Variants in ATP2B2 observed in about 807,000 individuals in gnomAD.
The protein encoded by ATP2B2 is plasma membrane calcium-transporting ATPase 2.
In ATP2B2, 15 loss-of-function variants were observed where a neutral mutation model predicts 120.0. That is an observed-to-expected ratio of 0.12 (90% CI 0.08 to 0.19). The LOEUF is 0.19. Among genes scored for constraint, ATP2B2 ranks in the 10% least tolerant of loss-of-function variants. The pLI is 1.00. For synonymous variants in ATP2B2, 694 were observed against 700.3 expected, an observed-to-expected ratio of 0.99 and a Z score of 0.14; for missense variants, 1,045 against 1,719.8, an observed-to-expected ratio of 0.61 and a Z score of 6.94.
chr3:10,456,327 G>A (rs1264293036), intron 1 of ATP2B2, among the ~76,000 whole-genome samples: 1 of 152,142 alleles, frequency 6.6e-6, no homozygotes, highest in Non-Finnish European at 1.5e-5. Flanking sequence ...GTATTTTTAA[G>A]GTCACTTTTC....
At chr3:10,614,270 A>G (rs2069321398) in intron 2 of ATP2B2, among the ~76,000 whole-genome samples, 1 of 152,178 alleles carries the variant, frequency 6.6e-6, no homozygotes, top group African/African-American at 2.4e-5. Context: ...GAATGAATGA[A>G]TAAATTACGT....
At chr3:10,646,659 G>A (rs1053546608) in intron 1 of ATP2B2, among the ~76,000 whole-genome samples, 2 of 152,108 alleles carry the variant, frequency 1.3e-5, no homozygotes, top group African/African-American at 4.8e-5. Flanking sequence ...GACACTTGCT[G>A]ACTACAGCGA....
At chr3:10,560,187 G>A (rs79197776) in intron 2 of ATP2B2, among the ~76,000 whole-genome samples, 3,226 of 152,298 alleles carry the variant, frequency 0.021, 117 homozygotes, top group African/African-American at 0.073. Flanking sequence ...CCAGCGAAAG[G>A]CATCGTGTAG....
At chr3:10,364,732 T>A (rs1198727106) in intron 12 of ATP2B2, among the ~76,000 whole-genome samples, 1 of 151,380 alleles carries the variant, frequency 6.6e-6, no homozygotes, top group Admixed American at 6.6e-5. Flanking sequence ...ATAATAATAA[T>A]AAAAATAAAA....
At chr3:10,447,173 G>A (rs1171566766) in intron 2 of ATP2B2, among the ~76,000 whole-genome samples, 3 of 152,226 alleles carry the variant, frequency 2.0e-5, no homozygotes, top group African/African-American at 7.2e-5. Flanking sequence ...ACCTTAGGCT[G>A]GGACTTAGTA....
At chr3:10,645,584 T>C (rs1318445456) in intron 1 of ATP2B2, among the ~76,000 whole-genome samples, 2 of 152,182 alleles carry the variant, frequency 1.3e-5, no homozygotes, top group African/African-American at 4.8e-5. Flanking sequence ...GAGTTCTTTG[T>C]ATTGTTCTTG....
chr3:10,653,141 T>C (rs2125669011), intron 1 of ATP2B2, among the ~76,000 whole-genome samples: 1 of 152,206 alleles, frequency 6.6e-6, no homozygotes, highest in East Asian at 1.9e-4. Flanking sequence ...AAAAAATAAA[T>C]TTAAAGGGAA....
In ATP2B2 at chr3:10,380,123, C is replaced by T. The variant is rs569151844; in HGVS notation, c.1001-839G>A. 2.6e-4 allele frequency among the ~76,000 whole-genome samples: 39 copies of T among 152,352 alleles called. No homozygotes were observed. In the South Asian group the frequency reaches 7.7e-3, roughly 30 times the overall value. ...AAGTAGTGTCCGTGGGCATCCCCTT[C>T]CATACCAGGGCCTGGTGCTGCATCT... On this transcript the variant is annotated intron_variant, in intron 8 of 22. Transcript: ENST00000360273.
chr3:10,376,700 C>T (rs527273864), intron 10 of ATP2B2, among the ~76,000 whole-genome samples: 1 of 152,210 alleles, frequency 6.6e-6, no homozygotes, highest in Non-Finnish European at 1.5e-5. Flanking sequence ...GGAATGCACT[C>T]CCATCTTAAC....
At chr3:10,619,015 TG>T (rs1244143657) in intron 2 of ATP2B2, among the ~76,000 whole-genome samples, 1 of 152,126 alleles carries the variant, frequency 6.6e-6, no homozygotes, top group African/African-American at 2.4e-5. Flanking sequence ...CTTGGAGCAG[TG>T]GCTAATTCAG....
chr3:10,441,052 G>A (rs1398119577), intron 2 of ATP2B2, among the ~76,000 whole-genome samples: 1 of 152,228 alleles, frequency 6.6e-6, no homozygotes, highest in Admixed American at 6.5e-5. Context: ...GCTAGACTGG[G>A]ACAGTCTTAA....
intron 1 of ATP2B2, among the ~76,000 whole-genome samples, chr3:10,473,317 G>A (rs1463213612): frequency 1.3e-5 from 2 of 152,210 alleles, no homozygotes; most frequent in Non-Finnish European, 2.9e-5. Flanking sequence ...GCTTCTGTTA[G>A]GGAAGACAGA....
chr3:10,430,725 A>T (rs1395673176), intron 2 of ATP2B2, among the ~76,000 whole-genome samples: 1 of 151,658 alleles, frequency 6.6e-6, no homozygotes, highest in Non-Finnish European at 1.5e-5. Flanking sequence ...CTTGGTTAGA[A>T]CTTGGAGCTG....
At chr3:10,629,174 G>A (rs907274734) in intron 1 of ATP2B2, among the ~76,000 whole-genome samples, 2 of 152,086 alleles carry the variant, frequency 1.3e-5, no homozygotes, top group African/African-American at 4.8e-5. Context: ...GGAAATATGC[G>A]GTACTGCACA....
intron 2 of ATP2B2, among the ~76,000 whole-genome samples, chr3:10,570,784 T>C (rs917733899): frequency 2.6e-5 from 4 of 152,154 alleles, no homozygotes; most frequent in Non-Finnish European, 4.4e-5. Flanking sequence ...CCCCCTGCAA[T>C]GAGACCTACT....
intron 1 of ATP2B2, among the ~76,000 whole-genome samples, chr3:10,468,872 G>A (rs981293677): frequency 2.6e-5 from 4 of 152,240 alleles, no homozygotes; most frequent in African/African-American, 9.6e-5. Flanking sequence ...CCCAATCAAA[G>A]GGCAGAGACT....
At chr3:10,493,874 A>G (rs2066032972) in intron 1 of ATP2B2, among the ~76,000 whole-genome samples, 1 of 152,222 alleles carries the variant, frequency 6.6e-6, no homozygotes, top group Non-Finnish European at 1.5e-5. Flanking sequence ...GGGGGTTGAA[A>G]GTCAGGCAAA....
intron 5 of ATP2B2, among the ~76,000 whole-genome samples, chr3:10,395,249 A>G (rs934918388): frequency 3.9e-5 from 6 of 152,204 alleles, no homozygotes; most frequent in Non-Finnish European, 7.4e-5. Context: ...TGAAAAGATG[A>G]GGCGCTGCTC....
chr3:10,647,726 T>C (rs1316456690), intron 1 of ATP2B2, among the ~76,000 whole-genome samples: 2 of 152,140 alleles, frequency 1.3e-5, no homozygotes, highest in East Asian at 1.9e-4. Context: ...AAGGAAGGAA[T>C]AGTTTTTCCT....
Sources: gnomAD v4.1 joint callset for allele counts (sites outside exome capture counted in the v4.1 genomes callset) on GRCh38, gnomAD v4.1.1 for gene constraint, MANE v1.5 for transcripts, NCBI Gene and HGNC (gene_info 2026-07-23, HGNC 2026-07-21) for gene names.